Variants in NEK11 observed in about 807,000 individuals in gnomAD.
The protein encoded by NEK11 is NIMA related kinase 11.
NEK11 carries 72 observed loss-of-function variants against 80.7 expected under a neutral mutation model. The ratio of observed to expected loss-of-function variants is 0.89; its 90% CI spans 0.74 to 1.08. The LOEUF (loss-of-function observed/expected upper bound fraction) is 1.08. Among genes scored for constraint, NEK11 ranks in the 50% least tolerant of loss-of-function variants. NEK11 has a pLI of 0.00. For missense variants in NEK11, 764 were observed against 763.6 expected, an observed-to-expected ratio of 1.00 and a Z score of -0.01; for synonymous variants, 251 against 260.7, an observed-to-expected ratio of 0.96 and a Z score of 0.36.
At chr3:131,310,001 A>T (rs2096763374) in intron 17 of NEK11, among the ~76,000 whole-genome samples, 2 of 145,246 alleles carry the variant, frequency 1.4e-5, no homozygotes, top group Admixed American at 6.9e-5. Flanking sequence ...AAAAAAAAAA[A>T]AAAAAAAAAA....
intron 4 of NEK11, among the ~76,000 whole-genome samples, chr3:131,091,403 TAATATC>T (rs1162810081): frequency 1.3e-5 from 2 of 152,172 alleles, no homozygotes; most frequent in Non-Finnish European, 2.9e-5. Flanking sequence ...ATCAGGCACT[TAATATC>T]AATGCAGGAA....
chr3:131,287,120 A>G (rs2096482463), intron 17 of NEK11, among the ~76,000 whole-genome samples: 1 of 152,192 alleles, frequency 6.6e-6, no homozygotes, highest in Admixed American at 6.5e-5. Flanking sequence ...GGGAAAGGTA[A>G]TCTCATAGGA....
At chr3:131,247,135 TA>T (rs2095616273) in intron 16 of NEK11, among the ~76,000 whole-genome samples, 1 of 152,134 alleles carries the variant, frequency 6.6e-6, no homozygotes, top group African/African-American at 2.4e-5. Flanking sequence ...AAGTCCCATC[TA>T]TTTATCTTTG....
intron 5 of NEK11, among the ~76,000 whole-genome samples, chr3:131,128,566 A>G (rs1578753770): frequency 6.6e-6 from 1 of 152,224 alleles, no homozygotes; most frequent in African/African-American, 2.4e-5. Flanking sequence ...ACTGAAGGAC[A>G]CTTTTGTTGC....
chr3:131,224,990 T>C (rs978673699), intron 14 of NEK11, among the ~76,000 whole-genome samples: 1 of 152,134 alleles, frequency 6.6e-6, no homozygotes, highest in Non-Finnish European at 1.5e-5. Flanking sequence ...GGGAAAACAT[T>C]TTTTATAAAT....
chr3:131,256,986 A>C (rs1287712567), intron 16 of NEK11, among the ~76,000 whole-genome samples: 1 of 151,462 alleles, frequency 6.6e-6, no homozygotes, highest in African/African-American at 2.4e-5. Context: ...GCTTCTTCTC[A>C]TTATCAATTT....
chr3:131,126,965 T>C (rs1389275936), intron 5 of NEK11, among the ~76,000 whole-genome samples: 48 of 64,190 alleles, frequency 7.5e-4, no homozygotes, highest in Middle Eastern at 0.013. Context: ...CTTTCTTTTT[T>C]TTTTTTTTTT....
rs1462634728 is a variant in NEK11 at position 131,208,266 on chromosome 3, A to C, written c.1400-20262A>C. ...GTTTTTGTCAGGTTTGTCAAAGATC[A>C]GATGATTGTAGATGTGTTATTATTT... On this transcript the variant is annotated intron_variant, in intron 14 of 17. Transcript: ENST00000383366. 3.3e-5 allele frequency among the ~76,000 whole-genome samples: 5 copies of C among 152,322 alleles called. No homozygotes were observed. In the East Asian group the frequency reaches 9.7e-4, roughly 29 times the overall value.
chr3:131,193,807 A>G (rs539435896), intron 14 of NEK11, among the ~76,000 whole-genome samples: 1 of 152,276 alleles, frequency 6.6e-6, no homozygotes, highest in Admixed American at 6.5e-5. Context: ...TCATTTACTT[A>G]AATATTTCTC....
intron 5 of NEK11, among the ~76,000 whole-genome samples, chr3:131,118,702 A>G (rs1299419139): frequency 1.3e-5 from 2 of 152,076 alleles, no homozygotes; most frequent in Non-Finnish European, 2.9e-5. Flanking sequence ...TAGTCTTGGG[A>G]GGGTGTATGT....
At chr3:131,339,731 T>TGCATGGAAGAATCATTAGTAGGC (rs907020603) in intron 17 of NEK11, among the ~76,000 whole-genome samples, 7 of 152,304 alleles carry the variant, frequency 4.6e-5, no homozygotes, top group Non-Finnish European at 1.0e-4. Context: ...AGGAACAGAT[T>TGCATGGAAGAATCATTAGTAGGC]GCATGGAAGA....
chr3:131,197,606 T>A (rs2094070203), intron 14 of NEK11, among the ~76,000 whole-genome samples: 1 of 152,194 alleles, frequency 6.6e-6, no homozygotes, highest in Non-Finnish European at 1.5e-5. Context: ...TTTGGCCATC[T>A]GATGGGTACT....
At chr3:131,246,824 G>T (rs2095609994) in intron 16 of NEK11, among the ~76,000 whole-genome samples, 1 of 152,006 alleles carries the variant, frequency 6.6e-6, no homozygotes, top group Non-Finnish European at 1.5e-5. Context: ...GAGTGAGGTG[G>T]TATCACATTA....
At chr3:131,312,493 C>G (rs2096791956) in intron 17 of NEK11, among the ~76,000 whole-genome samples, 1 of 152,150 alleles carries the variant, frequency 6.6e-6, no homozygotes, top group South Asian at 2.1e-4. Context: ...TTCCTGAGAA[C>G]TAGTCCAGGC....
At chr3:131,106,017 GT>G (rs1397594806) in intron 4 of NEK11, among the ~76,000 whole-genome samples, 1 of 151,964 alleles carries the variant, frequency 6.6e-6, no homozygotes, top group African/African-American at 2.4e-5. Context: ...ATTATTTCTA[GT>G]AATTTTAGTT....
intron 7 of NEK11, among the ~76,000 whole-genome samples, chr3:131,144,517 G>GA (rs911828180): frequency 2.0e-5 from 3 of 152,028 alleles, no homozygotes; most frequent in Admixed American, 1.3e-4. Flanking sequence ...TTGGAAACTA[G>GA]AAAAAAGAAA....
chr3:131,215,555 C>T (rs2094805501), intron 14 of NEK11, among the ~76,000 whole-genome samples: 3 of 152,034 alleles, frequency 2.0e-5, no homozygotes, highest in Admixed American at 1.3e-4. Context: ...TCAACCTGTG[C>T]ATGTAGATAT....
At chr3:131,323,631 AAATC>A (rs531258108) in intron 17 of NEK11, among the ~76,000 whole-genome samples, 46 of 152,360 alleles carry the variant, frequency 3.0e-4, no homozygotes, top group African/African-American at 1.1e-3. Context: ...AAATTCGTGA[AAATC>A]AATTTTTATT....
At position 131,333,374 on chromosome 3, in the gene NEK11, A is replaced by G. The variant is rs138433663; in HGVS notation, c.1719-16183A>G. Among the ~76,000 whole-genome samples the G allele has an allele frequency of 7.6e-3, 1,156 of 152,324 alleles. 14 individuals are homozygous for G. The highest frequency in any genetic ancestry group is 0.026 in the African/African-American group (1,081 of 41,568). On this transcript the variant is annotated intron_variant, in intron 17 of 17. Transcript: ENST00000383366. ...TTCATATCCAGCCAAACCAAGCTTC[A>G]TAAGTGGAGGAGAAATAAAATACTT...
Sources: gnomAD v4.1 joint callset for allele counts (sites outside exome capture counted in the v4.1 genomes callset) on GRCh38, gnomAD v4.1.1 for gene constraint, MANE v1.5 for transcripts, NCBI Gene and HGNC (gene_info 2026-07-23, HGNC 2026-07-21) for gene names.